Variants in DNMT1 observed in about 807,000 individuals in gnomAD.
DNMT1 encodes DNA methyltransferase 1.
A neutral mutation model predicts 205.3 loss-of-function variants in DNMT1; 24 were observed. The ratio of observed to expected loss-of-function variants is 0.12; its 90% CI spans 0.08 to 0.16. DNMT1 has a LOEUF of 0.16. Ranked by LOEUF, DNMT1 falls within the 10% of genes least tolerant of loss-of-function variation. DNMT1 has a pLI of 1.00. For synonymous variants in DNMT1, 817 were observed against 839.8 expected, an observed-to-expected ratio of 0.97 and a Z score of 0.47; for missense variants, 1,293 against 2,177.7, an observed-to-expected ratio of 0.59 and a Z score of 8.09.
Position 10,151,337 on chromosome 19 carries a change from A to G in DNMT1, c.2265+61T>C. The G allele has an allele frequency of 1.2e-6, 2 of 1,603,344 alleles. No homozygotes were observed. ...TGAGAGGTCAGGTTGGCGAGATACT[A>G]GAGGGCAACCTGCTTATTGGGAACA... On this transcript the variant is annotated intron_variant, in intron 24 of 40. Transcript: ENST00000359526. This position sits in a 1 kb window ranked among gnomAD's most constrained non-coding sequence, Gnocchi z 5.0.
At position 10,143,755 on chromosome 19, in the gene DNMT1, C is replaced by A. The variant is rs773580930; in HGVS notation, c.3116+11G>T. On this transcript the variant is annotated intron_variant, in intron 29 of 40. Transcript: ENST00000359526. The stretch of plus-strand genomic sequence containing the variant: ...CTGTGGCCTCGTGGAAGAACAGAGG[C>A]CTCTGCTGACCTGTAGAACTTGTTG... 62 of 1,613,884 alleles carry A rather than the reference C, an allele frequency of 3.8e-5. No homozygotes were observed. Among genetic ancestry groups the A allele is most frequent in the Non-Finnish European group, 5.1e-5 (60 of 1,179,950 alleles).
chr19:10,175,427 T>C lies in DNMT1; in HGVS notation c.648+113A>G, dbSNP rs2038920828. 2.4e-6 allele frequency: 3 copies of C among 1,276,258 alleles called. No homozygotes were observed. In the African/African-American group the frequency reaches 4.4e-5, roughly 19 times the overall value. The allele number at this position is 1,276,258 out of a possible 1,614,324, so 79.1% of individuals were successfully genotyped here. A position where few individuals can be genotyped will look rare whatever the true frequency, so the allele number is the denominator to read the frequency against. On this transcript the variant is annotated intron_variant, in intron 7 of 40. Transcript: ENST00000359526. ...TTGGTCCTGTCTCTCTGGAGAGCCC[T>C]AAATAGAGCCCTAGACAGGGTTTTT... is the stretch of plus-strand genomic sequence containing the variant.
intron 27 of DNMT1, among the ~76,000 whole-genome samples, chr19:10,147,094 AC>A (rs2038218295): frequency 1.3e-5 from 2 of 152,032 alleles, no homozygotes; most frequent in Non-Finnish European, 2.9e-5. Flanking sequence ...CCCCGTCTCT[AC>A]AAAAAATTTT....
chr19:10,190,599 C>G (rs2145408150), intron 1 of DNMT1, among the ~76,000 whole-genome samples: 1 of 151,708 alleles, frequency 6.6e-6, no homozygotes, highest in East Asian at 1.9e-4. Context: ...CCGGTTTCTA[C>G]TAAAAATAAG....
intron 27 of DNMT1, among the ~76,000 whole-genome samples, chr19:10,148,414 T>A (rs1240327690): frequency 1.4e-5 from 2 of 146,470 alleles, no homozygotes; most frequent in Admixed American, 7.0e-5. Context: ...GAGAATGGCA[T>A]GAACCCAGGA....
At chr19:10,142,669 G>A (rs66487118) in intron 29 of DNMT1, 47,061 of 200,804 alleles carry the variant, frequency 0.23, 6,881 homozygotes, top group Non-Finnish European at 0.32. Context: ...TTATGGAACC[G>A]CAGGGTAAAG....
intron 28 of DNMT1, 192 bp from the exon 29 acceptor site, chr19:10,144,179 G>T: frequency 3.1e-6 from 2 of 639,834 alleles, no homozygotes. Flanking sequence ...GGAGACCAAG[G>T]CAGGTGGACC....
chr19:10,171,160 C>A (rs2038808006), intron 9 of DNMT1, among the ~76,000 whole-genome samples: 1 of 152,016 alleles, frequency 6.6e-6, no homozygotes, highest in African/African-American at 2.4e-5. Flanking sequence ...CAGGACCCAG[C>A]ATCTGTATTG....
intron 9 of DNMT1, among the ~76,000 whole-genome samples, chr19:10,170,363 A>G (rs1245560723): frequency 6.6e-6 from 1 of 151,076 alleles, no homozygotes; most frequent in African/African-American, 2.4e-5. Context: ...CAGCGGCCGG[A>G]TGCAGTGGCT....
chr19:10,165,177 G>A (rs1021926163), intron 11 of DNMT1, among the ~76,000 whole-genome samples: 36 of 151,996 alleles, frequency 2.4e-4, no homozygotes, highest in Middle Eastern at 3.4e-3. Context: ...AGGCTGAGGC[G>A]GGAAGATCAC....
chr19:10,188,714 G>A (rs2039241998), intron 1 of DNMT1, among the ~76,000 whole-genome samples: 1 of 152,160 alleles, frequency 6.6e-6, no homozygotes, highest in African/African-American at 2.4e-5. Context: ...CAGCCCTTAA[G>A]AACACAGAAC....
chr19:10,136,953 G>C (rs929531983), intron 37 of DNMT1, 132 bp downstream of exon 37: 9 of 1,251,710 alleles, frequency 7.2e-6, no homozygotes, highest in African/African-American at 4.5e-5. Context: ...ATGGTCAGCA[G>C]CTACCTTCTC....
intron 29 of DNMT1, among the ~76,000 whole-genome samples, chr19:10,142,645 T>G: frequency 7.3e-6 from 1 of 137,850 alleles, no homozygotes; most frequent in South Asian, 2.4e-4. Context: ...AACCGCAGGG[T>G]AAAGACCCCC....
In DNMT1 at chr19:10,133,672, C is replaced by T; in HGVS notation, c.4894G>A (p.Asp1632Asn). Residue 1632 changes from aspartate to asparagine, a missense_variant, in exon 41 of 41, where the codon GAC becomes AAC. Physicochemically the swap from Asp to Asn is conservative, Grantham distance 23. Transcript: ENST00000359526. The surrounding 1 kb of genome is among the most constrained non-coding windows in gnomAD (Gnocchi z 4.1). ...GGGGTGACGGGAGGGCAGAACTAGT[C>T]CTTAGCAGCTTCCTCCTCCTTTATT... ...AKIKEEEAAK[D>N] 2.5e-6 allele frequency: 4 copies of T among 1,599,478 alleles called. No homozygotes were observed. The highest frequency in any genetic ancestry group is 3.4e-6 in the Non-Finnish European group (4 of 1,172,242).
chr19:10,137,674 T>A lies in DNMT1; in HGVS notation c.4293+158A>T. Reference sequence around the variant, plus strand: ...GGAGCTCTGACACTTCCCATGACCATGCAAGAGAGACCAGGGGTCACACAA... The same window carrying A: ...GGAGCTCTGACACTTCCCATGACCAAGCAAGAGAGACCAGGGGTCACACAA... On this transcript the variant is annotated intron_variant, in intron 36 of 40. Coordinates refer to ENST00000359526, the MANE Select transcript of DNMT1 (RefSeq NM_001130823.3). This position sits in a 1 kb window ranked among gnomAD's most constrained non-coding sequence, Gnocchi z 6.4. 2 of 1,066,816 alleles carry A rather than the reference T, an allele frequency of 1.9e-6. No individual in the cohort carries two copies. Among genetic ancestry groups the A allele is most frequent in the Non-Finnish European group, 2.8e-6 (2 of 723,946 alleles). The allele number at this position is 1,066,816 out of a possible 1,614,324, so 66.1% of individuals were successfully genotyped here.
chr19:10,154,554 A>G lies in DNMT1; in HGVS notation c.1832+32T>C. The G allele has an allele frequency of 6.2e-7, 1 of 1,613,752 alleles. No individual in the cohort carries two copies. The highest frequency in any genetic ancestry group is 8.5e-7 in the Non-Finnish European group (1 of 1,179,818). ...CCATGCTCTACCCTCCCCGGTCTCC[A>G]GTCTTCACTCTGGTCCCTGCCGCAT... On this transcript the variant is annotated intron_variant, in intron 21 of 40. Transcript: ENST00000359526. The surrounding 1 kb of genome is among the most constrained non-coding windows in gnomAD (Gnocchi z 6.3).
At chr19:10,174,005 GT>G in intron 7 of DNMT1, 100 bp from the exon 8 acceptor site, 1 of 1,209,018 alleles carries the variant, frequency 8.3e-7, no homozygotes, top group Non-Finnish European at 1.2e-6. Flanking sequence ...ATTTGACATG[GT>G]TAGAGCAAGA....
At chr19:10,190,122 T>C (rs770969634) in intron 1 of DNMT1, among the ~76,000 whole-genome samples, 8 of 152,206 alleles carry the variant, frequency 5.3e-5, no homozygotes, top group Admixed American at 2.0e-4. Context: ...TACTCAGTAG[T>C]AGCCAAGGAA....
rs899805382 is a variant in DNMT1 at position 10,138,713 on chromosome 19, T to C, written c.3949-108A>G. 4.3e-6 allele frequency: 6 copies of C among 1,399,790 alleles called. No homozygotes were observed. The highest frequency in any genetic ancestry group is 4.3e-5 in the African/African-American group (3 of 70,274). 86.7% of individuals were successfully genotyped at this position (1,399,790 alleles called of 1,614,324 possible). On this transcript the variant is annotated intron_variant, in intron 34 of 40. Coordinates refer to ENST00000359526, the MANE Select transcript of DNMT1 (RefSeq NM_001130823.3). The surrounding 1 kb of genome is among the most constrained non-coding windows in gnomAD (Gnocchi z 4.1). ...GCCTGAGTCGGGAGTGGCTGGCCAA[T>C]GCGGAGTGCACTTGCAGAAATCCCC...
Sources: allele counts gnomAD v4.1 joint callset (sites outside exome capture counted in the v4.1 genomes callset), GRCh38; gene constraint gnomAD v4.1.1; non-coding constraint Gnocchi (gnomAD v3.1); transcripts MANE v1.5; gene names NCBI Gene and HGNC (gene_info 2026-07-23, HGNC 2026-07-21).